The following DENND1A variants were observed in gnomAD, a reference collection of about 807,000 sequenced individuals.
DENND1A encodes DENN domain-containing protein 1A.
Under a neutral mutation model 113.7 loss-of-function variants are expected in DENND1A, and 51 were observed. The ratio of observed to expected loss-of-function variants is 0.45; its 90% confidence interval spans 0.36 to 0.57. DENND1A has a LOEUF of 0.57. Among genes scored for constraint, DENND1A ranks in the 20% least tolerant of loss-of-function variants. The pLI is 0.00. For synonymous variants in DENND1A, 565 were observed against 570.8 expected, an observed-to-expected ratio of 0.99 and a Z score of 0.14; for missense variants, 1,258 against 1,395.9, an observed-to-expected ratio of 0.90 and a Z score of 1.57.
intron 19 of DENND1A, among the ~76,000 whole-genome samples, chr9:123,439,101 G>T (rs2046738802): frequency 6.6e-6 from 1 of 152,248 alleles, no homozygotes; most frequent in Non-Finnish European, 1.5e-5. Flanking sequence ...CCAGGGAACT[G>T]GGGTGCAGAT....
intron 2 of DENND1A, among the ~76,000 whole-genome samples, chr9:123,825,582 T>C (rs999177780): frequency 1.1e-4 from 17 of 152,250 alleles, no homozygotes; most frequent in Admixed American, 9.8e-4. Context: ...AACAGCTGCC[T>C]GGCTTGCAGT....
intron 2 of DENND1A, among the ~76,000 whole-genome samples, chr9:123,848,938 G>A (rs1842979346): frequency 6.6e-6 from 1 of 152,206 alleles, no homozygotes; most frequent in African/African-American, 2.4e-5. Context: ...TGAGAGAGGT[G>A]AGGAAGCTGC....
intron 5 of DENND1A, among the ~76,000 whole-genome samples, chr9:123,712,321 C>G (rs1214189812): frequency 6.6e-6 from 1 of 152,218 alleles, no homozygotes; most frequent in Non-Finnish European, 1.5e-5. Context: ...ACAACACATT[C>G]ATTCATTCAA....
At chr9:123,685,266 G>A (rs1304970316) in intron 5 of DENND1A, among the ~76,000 whole-genome samples, 1 of 152,080 alleles carries the variant, frequency 6.6e-6, no homozygotes, top group Non-Finnish European at 1.5e-5. Context: ...ATCCTCTTTG[G>A]GAGCTCTAAG....
At chr9:123,556,912 C>A (rs2057448821) in intron 13 of DENND1A, among the ~76,000 whole-genome samples, 1 of 152,240 alleles carries the variant, frequency 6.6e-6, no homozygotes, top group South Asian at 2.1e-4. Context: ...TCTTCACATC[C>A]TTGCAATCAC....
chr9:123,488,473 G>C (rs1202120947), intron 13 of DENND1A, among the ~76,000 whole-genome samples: 1 of 152,260 alleles, frequency 6.6e-6, no homozygotes. Context: ...AAGTGGACCA[G>C]AATTGTTTGG....
chr9:123,711,448 A>C (rs2066580467), intron 5 of DENND1A, among the ~76,000 whole-genome samples: 1 of 149,710 alleles, frequency 6.7e-6, no homozygotes. Context: ...CCTGGAGGAC[A>C]GAAGGAGGCT....
intron 10 of DENND1A, among the ~76,000 whole-genome samples, chr9:123,615,331 A>G (rs1387682437): frequency 6.6e-6 from 1 of 152,236 alleles, no homozygotes; most frequent in African/African-American, 2.4e-5. Context: ...AAGTGGCAGA[A>G]CTGGGACTAG....
chr9:123,533,248 T>C (rs534610179), intron 13 of DENND1A, among the ~76,000 whole-genome samples: 10 of 152,354 alleles, frequency 6.6e-5, no homozygotes, highest in Non-Finnish European at 1.2e-4. Flanking sequence ...GCTCAAGATA[T>C]GTTTCGGTAC....
chr9:123,418,238 G>C (rs1216636418), intron 19 of DENND1A, among the ~76,000 whole-genome samples: 1 of 152,196 alleles, frequency 6.6e-6, no homozygotes, highest in Non-Finnish European at 1.5e-5. Flanking sequence ...ACCACTGCTG[G>C]GAGATGTGAA....
At chr9:123,632,035 C>T (rs2061496874) in intron 9 of DENND1A, among the ~76,000 whole-genome samples, 1 of 152,206 alleles carries the variant, frequency 6.6e-6, no homozygotes, top group African/African-American at 2.4e-5. Flanking sequence ...CTGGCCTTTG[C>T]TGACAGAAGA....
intron 2 of DENND1A, among the ~76,000 whole-genome samples, chr9:123,810,049 G>A (rs1343060922): frequency 6.6e-6 from 1 of 152,120 alleles, no homozygotes; most frequent in African/African-American, 2.4e-5. Context: ...ATTATCTGGA[G>A]GGGTTTCCTC....
intron 11 of DENND1A, among the ~76,000 whole-genome samples, chr9:123,591,022 T>G (rs994806994): frequency 7.2e-5 from 11 of 152,154 alleles, no homozygotes; most frequent in African/African-American, 2.7e-4. Context: ...TTTTAACTTT[T>G]TCAATTCAAG....
chr9:123,553,407 C>CCCCCCCCCCCCA (rs2057237084), intron 13 of DENND1A, among the ~76,000 whole-genome samples: 1 of 150,962 alleles, frequency 6.6e-6, no homozygotes, highest in Non-Finnish European at 1.5e-5. Flanking sequence ...GCCGCCCCCC[C>CCCCCCCCCCCCA]CCCGCTCCTC....
intron 2 of DENND1A, among the ~76,000 whole-genome samples, chr9:123,807,691 A>T (rs973822896): frequency 6.6e-6 from 1 of 152,166 alleles, no homozygotes; most frequent in African/African-American, 2.4e-5. Flanking sequence ...ATTTCCTGGG[A>T]TAGATTAATT....
intron 3 of DENND1A, among the ~76,000 whole-genome samples, chr9:123,785,536 C>G (rs1832016358): frequency 6.6e-6 from 1 of 152,036 alleles, no homozygotes; most frequent in Non-Finnish European, 1.5e-5. Context: ...AACATTTAAA[C>G]TAGCTAATTG....
chr9:123,732,773 G>C (rs1489603262), intron 5 of DENND1A, among the ~76,000 whole-genome samples: 4 of 152,160 alleles, frequency 2.6e-5, no homozygotes, highest in Admixed American at 6.5e-5. Flanking sequence ...AATTTAGTTA[G>C]GAATAGAGGC....
At chr9:123,587,561 A>G (rs909145696) in intron 11 of DENND1A, among the ~76,000 whole-genome samples, 1 of 152,176 alleles carries the variant, frequency 6.6e-6, no homozygotes, top group Non-Finnish European at 1.5e-5. Flanking sequence ...CCATATGGAC[A>G]GGCGTCCCCC....
intron 8 of DENND1A, among the ~76,000 whole-genome samples, chr9:123,654,123 C>T (rs1053044303): frequency 7.2e-5 from 11 of 152,082 alleles, no homozygotes; most frequent in African/African-American, 1.7e-4. Context: ...CTCCACTGGA[C>T]GGAGGAACAC....
Sources: gnomAD v4.1 joint callset for allele counts (sites outside exome capture counted in the v4.1 genomes callset) on GRCh38, gnomAD v4.1.1 for gene constraint, MANE v1.5 for transcripts, NCBI Gene and HGNC (gene_info 2026-07-23, HGNC 2026-07-21) for gene names.